The following ALKBH1 variants were observed in gnomAD, a reference collection of about 807,000 sequenced individuals.
ALKBH1 encodes nucleic acid dioxygenase ALKBH1.
A neutral mutation model predicts 36.6 loss-of-function variants in ALKBH1; 31 were observed. That is an observed-to-expected ratio of 0.85 (90% CI 0.64 to 1.14). The LOEUF (loss-of-function observed/expected upper bound fraction) is 1.14, where lower values mean the gene tolerates loss of function less well. ALKBH1 is among the 50% of genes most tolerant of loss of function. ALKBH1 has a pLI of 0.00. For synonymous variants in ALKBH1, 183 were observed against 186.6 expected, an observed-to-expected ratio of 0.98 and a Z score of 0.16; for missense variants, 490 against 497.3, an observed-to-expected ratio of 0.99 and a Z score of 0.14.
At chr14:77,683,412 A>T in intron 3 of ALKBH1, 1 of 775,262 alleles carries the variant, frequency 1.3e-6, no homozygotes. Flanking sequence ...TGCGCACATT[A>T]ATTCTCTTGG....
At chr14:77,687,415 C>T (rs1351402384) in intron 3 of ALKBH1, among the ~76,000 whole-genome samples, 1 of 152,158 alleles carries the variant, frequency 6.6e-6, no homozygotes, top group East Asian at 1.9e-4. Context: ...TTTAATACTC[C>T]TACATACTTA....
chr14:77,675,438 A>G (rs557415840), intron 5 of ALKBH1, among the ~76,000 whole-genome samples: 1 of 151,986 alleles, frequency 6.6e-6, no homozygotes, highest in East Asian at 1.9e-4. Context: ...TGTTTCAAAA[A>G]AAAACAATAA....
chr14:77,706,106 CAT>C (rs3079582), intron 1 of ALKBH1, among the ~76,000 whole-genome samples: 79 of 150,804 alleles, frequency 5.2e-4, no homozygotes, highest in East Asian at 9.8e-4. Flanking sequence ...TACACACACA[CAT>C]ATATATATAT....
At chr14:77,703,486 G>C (rs938082547) in intron 2 of ALKBH1, among the ~76,000 whole-genome samples, 3 of 151,498 alleles carry the variant, frequency 2.0e-5, no homozygotes, top group Non-Finnish European at 4.4e-5. Flanking sequence ...CAGTAGAGAT[G>C]GGGTTTCACC....
intron 2 of ALKBH1, among the ~76,000 whole-genome samples, chr14:77,703,155 T>A (rs2080368755): frequency 2.0e-5 from 3 of 151,354 alleles, no homozygotes; most frequent in East Asian, 2.0e-4. Flanking sequence ...GAAAAAAAAA[T>A]TTTGTTTTGT....
At chr14:77,703,185 G>A (rs953861451) in intron 2 of ALKBH1, among the ~76,000 whole-genome samples, 5 of 151,992 alleles carry the variant, frequency 3.3e-5, no homozygotes, top group African/African-American at 7.3e-5. Context: ...GTCTTACTAT[G>A]TTACCCGGGC....
chr14:77,685,269 ACT>A (rs2080261564), intron 3 of ALKBH1, among the ~76,000 whole-genome samples: 1 of 151,876 alleles, frequency 6.6e-6, no homozygotes. Context: ...ATGGTGGAAC[ACT>A]GTCTCTACTA....
At chr14:77,687,284 C>T (rs2080273068) in intron 3 of ALKBH1, among the ~76,000 whole-genome samples, 1 of 152,160 alleles carries the variant, frequency 6.6e-6, no homozygotes, top group Non-Finnish European at 1.5e-5. Context: ...AATTCTCTAC[C>T]TATACTATAT....
intron 4 of ALKBH1, among the ~76,000 whole-genome samples, chr14:77,678,103 A>AAG (rs1356767352): frequency 6.6e-6 from 1 of 151,434 alleles, no homozygotes; most frequent in Admixed American, 6.6e-5. Context: ...AAAAAAAAAA[A>AAG]AAAAAAGCTA....
intron 3 of ALKBH1, among the ~76,000 whole-genome samples, chr14:77,681,911 G>A (rs936741808): frequency 7.2e-5 from 11 of 152,164 alleles, no homozygotes; most frequent in African/African-American, 2.7e-4. Context: ...CTTGGGAGAG[G>A]ACTTTTGGAG....
At chr14:77,693,268 G>T (rs1161757036) in intron 3 of ALKBH1, among the ~76,000 whole-genome samples, 1 of 146,754 alleles carries the variant, frequency 6.8e-6, no homozygotes, top group Non-Finnish European at 1.5e-5. Context: ...GCCCAGGCTG[G>T]TAACTCCAGG....
At chr14:77,676,301 G>T (rs544215915) in intron 4 of ALKBH1, among the ~76,000 whole-genome samples, 1 of 152,068 alleles carries the variant, frequency 6.6e-6, no homozygotes, top group Non-Finnish European at 1.5e-5. Flanking sequence ...CATTCTTGGG[G>T]TATCTAATGA....
intron 3 of ALKBH1, among the ~76,000 whole-genome samples, chr14:77,681,220 T>G (rs1169832425): frequency 3.3e-5 from 5 of 152,100 alleles, no homozygotes; most frequent in Admixed American, 2.0e-4. Flanking sequence ...AGAGGGAAAC[T>G]GAACGCAGTA....
At chr14:77,689,045 G>T (rs2080284143) in intron 3 of ALKBH1, among the ~76,000 whole-genome samples, 2 of 152,132 alleles carry the variant, frequency 1.3e-5, no homozygotes, top group Admixed American at 6.6e-5. Flanking sequence ...TTATATTCTG[G>T]CTCTAACTAA....
intron 4 of ALKBH1, among the ~76,000 whole-genome samples, chr14:77,676,923 A>G (rs944017766): frequency 6.6e-6 from 1 of 152,198 alleles, no homozygotes; most frequent in Non-Finnish European, 1.5e-5. Context: ...TGGCCAAGAT[A>G]GGCCTTTAAA....
chr14:77,675,616 A>C (rs1358234436), intron 5 of ALKBH1, 40 bp downstream of exon 5: 1 of 1,531,062 alleles, frequency 6.5e-7, no homozygotes, highest in Admixed American at 1.9e-5. Context: ...AAAAGAATTA[A>C]ATGATAAAAA....
At chr14:77,701,210 C>G (rs144062965) in intron 2 of ALKBH1, among the ~76,000 whole-genome samples, 123 of 152,300 alleles carry the variant, frequency 8.1e-4, no homozygotes, top group African/African-American at 2.7e-3. Flanking sequence ...ACACCTAGAG[C>G]AACCCCAAAT....
At chr14:77,693,176 A>C (rs944748741) in intron 3 of ALKBH1, among the ~76,000 whole-genome samples, 2 of 149,946 alleles carry the variant, frequency 1.3e-5, no homozygotes, top group African/African-American at 2.5e-5. Flanking sequence ...ATTGCACTCC[A>C]GCCTGGGCAA....
intron 1 of ALKBH1, among the ~76,000 whole-genome samples, chr14:77,707,369 T>C (rs2080400038): frequency 6.6e-6 from 1 of 152,186 alleles, no homozygotes. Flanking sequence ...AATGACCTCC[T>C]TCTAAAAGAG....
Sources: gnomAD v4.1 joint callset for allele counts (sites outside exome capture counted in the v4.1 genomes callset) on GRCh38, gnomAD v4.1.1 for gene constraint, MANE v1.5 for transcripts, NCBI Gene and HGNC (gene_info 2026-07-23, HGNC 2026-07-21) for gene names.